KCND3: variants seen among roughly 807,000 people sequenced by gnomAD.
KCND3 encodes the protein A-type voltage-gated potassium channel KCND3.
A neutral mutation model predicts 51.1 loss-of-function variants in KCND3; 9 were observed. The ratio of observed to expected loss-of-function variants is 0.18; its 90% CI spans 0.11 to 0.31. KCND3 has a LOEUF of 0.31. KCND3 is among the 10% of genes least tolerant of loss of function. The pLI, the probability that KCND3 is intolerant of heterozygous loss-of-function variation, is 1.00. For synonymous variants in KCND3, 349 were observed against 368.0 expected (o/e 0.95, Z 0.59); for missense variants, 526 against 903.8 (o/e 0.58, Z 5.36).
chr1:111,826,593 A>G (rs574297338), intron 2 of KCND3, among the ~76,000 whole-genome samples: 13 of 152,096 alleles, frequency 8.5e-5, no homozygotes, highest in Non-Finnish European at 1.3e-4. Flanking sequence ...TCTACGTTTA[A>G]TGCTTATTTG....
chr1:111,981,513 TA>T lies in KCND3; in HGVS notation c.1106+107del. On this transcript the variant is annotated intron_variant, in intron 2 of 7. Transcript: ENST00000302127. The surrounding 1 kb of genome is among the most constrained non-coding windows in gnomAD (Gnocchi z 6.2). ...ACTTCCCCTGCCCCCAACACTTGGG[TA>T]AGGGACTCCCTCCTCCTCTACCCAT... 6.6e-7 allele frequency: 1 copy of T among 1,519,466 alleles called. No homozygotes were observed. The highest frequency in any genetic ancestry group is 9.1e-7 in the Non-Finnish European group (1 of 1,097,700). The allele number at this position is 1,519,466 out of a possible 1,614,324, so 94.1% of individuals were successfully genotyped here. A position where few individuals can be genotyped will look rare whatever the true frequency, so the allele number is the denominator to read the frequency against.
chr1:111,784,103 T>TCACACACACACACACACACA (rs369429634), intron 3 of KCND3, among the ~76,000 whole-genome samples: 106 of 117,552 alleles, frequency 9.0e-4, no homozygotes, highest in South Asian at 2.8e-3. Context: ...CATTAACTTA[T>TCACACACACACACACACACA]CACACACACA....
intron 2 of KCND3, among the ~76,000 whole-genome samples, chr1:111,950,576 A>G (rs1356968115): frequency 6.6e-6 from 1 of 152,216 alleles, no homozygotes; most frequent in Non-Finnish European, 1.5e-5. Context: ...GAGCACAGGA[A>G]TGCAAAATAA....
chr1:111,847,106 C>G (rs1187988744), intron 2 of KCND3, among the ~76,000 whole-genome samples: 1 of 152,172 alleles, frequency 6.6e-6, no homozygotes, highest in Non-Finnish European at 1.5e-5. Context: ...AAAATAAAAC[C>G]CCATGACGAG....
chr1:111,922,193 G>C (rs1165098695), intron 2 of KCND3, among the ~76,000 whole-genome samples: 3 of 152,212 alleles, frequency 2.0e-5, no homozygotes, highest in Non-Finnish European at 4.4e-5. Context: ...TTCATGAGCA[G>C]GGCGGCATTG....
At chr1:111,842,535 G>A (rs542923841) in intron 2 of KCND3, among the ~76,000 whole-genome samples, 1 of 152,338 alleles carries the variant, frequency 6.6e-6, no homozygotes, top group South Asian at 2.1e-4. Flanking sequence ...AACCATCTCA[G>A]CTGAGGCTGG....
At chr1:111,781,068 C>A (rs907997341) in intron 3 of KCND3, among the ~76,000 whole-genome samples, 1 of 152,174 alleles carries the variant, frequency 6.6e-6, no homozygotes, top group Non-Finnish European at 1.5e-5. Flanking sequence ...GGTTTCATGA[C>A]CTTTATCTAC....
intron 2 of KCND3, among the ~76,000 whole-genome samples, chr1:111,962,141 G>A (rs753505267): frequency 2.6e-5 from 4 of 152,306 alleles, no homozygotes; most frequent in East Asian, 1.9e-4. Context: ...CATTATAAAC[G>A]TCATTATTTT....
intron 3 of KCND3, among the ~76,000 whole-genome samples, chr1:111,786,575 CTTTTATAGGATATTAAAAAGAGATTATGT>C (rs1190895923): frequency 6.6e-6 from 1 of 152,078 alleles, no homozygotes; most frequent in Non-Finnish European, 1.5e-5. Flanking sequence ...TTTGTATAGG[CTTTTATAGGATATTAAAAAGAGATTATGT>C]TTCCTAGTAA....
At chr1:111,808,175 T>G (rs1665665885) in intron 2 of KCND3, among the ~76,000 whole-genome samples, 1 of 152,252 alleles carries the variant, frequency 6.6e-6, no homozygotes. Flanking sequence ...ACGCCTGGGA[T>G]AGAGAAGTAG....
intron 2 of KCND3, among the ~76,000 whole-genome samples, chr1:111,980,602 A>C (rs1012838167): frequency 3.3e-5 from 5 of 152,194 alleles, no homozygotes; most frequent in Non-Finnish European, 4.4e-5. Flanking sequence ...GCCTAAGCAA[A>C]TATAGACCCA....
At chr1:111,954,325 C>T (rs111946128) in intron 2 of KCND3, among the ~76,000 whole-genome samples, 136 of 152,322 alleles carry the variant, frequency 8.9e-4, no homozygotes, top group African/African-American at 3.2e-3. Context: ...GTGCCCGCTA[C>T]CCCACCCCAT....
intron 2 of KCND3, among the ~76,000 whole-genome samples, chr1:111,842,904 A>T (rs1667389879): frequency 6.6e-6 from 1 of 152,218 alleles, no homozygotes; most frequent in South Asian, 2.1e-4. Flanking sequence ...CAGTTATGAG[A>T]CAGAGAACAA....
chr1:111,824,831 A>G (rs1204234691), intron 2 of KCND3, among the ~76,000 whole-genome samples: 1 of 151,942 alleles, frequency 6.6e-6, no homozygotes, highest in African/African-American at 2.4e-5. Context: ...ACATAGTTAC[A>G]TTTCTTTCCT....
At chr1:111,838,021 C>T (rs1302148089) in intron 2 of KCND3, among the ~76,000 whole-genome samples, 2 of 152,096 alleles carry the variant, frequency 1.3e-5, no homozygotes, top group Admixed American at 6.6e-5. Flanking sequence ...GCGTCACTGT[C>T]GAGGTCAACC....
intron 2 of KCND3, among the ~76,000 whole-genome samples, chr1:111,846,815 A>G (rs1667571783): frequency 6.6e-6 from 1 of 152,184 alleles, no homozygotes; most frequent in South Asian, 2.1e-4. Flanking sequence ...TCATTTGACA[A>G]TGGGGGGAAA....
At chr1:111,915,814 C>A (rs1388061781) in intron 2 of KCND3, among the ~76,000 whole-genome samples, 10 of 119,044 alleles carry the variant, frequency 8.4e-5, no homozygotes, top group African/African-American at 1.6e-4. Context: ...GCCTTTAGAA[C>A]AAGGAATATT....
chr1:111,874,574 T>C (rs1288830285), intron 2 of KCND3, among the ~76,000 whole-genome samples: 1 of 152,214 alleles, frequency 6.6e-6, no homozygotes, highest in East Asian at 1.9e-4. Context: ...AGTGCAATCT[T>C]ATACTTCTTA....
intron 1 of KCND3, among the ~76,000 whole-genome samples, chr1:111,984,625 T>A (rs1675165674): frequency 6.6e-6 from 1 of 152,120 alleles, no homozygotes; most frequent in Non-Finnish European, 1.5e-5. Context: ...CCCCACGACC[T>A]ACAAAATAAA....
Sources: gnomAD v4.1 joint callset for allele counts (sites outside exome capture counted in the v4.1 genomes callset) on GRCh38, gnomAD v4.1.1 for gene constraint, Gnocchi (gnomAD v3.1) non-coding constraint, MANE v1.5 for transcripts, NCBI Gene and HGNC (gene_info 2026-07-23, HGNC 2026-07-21) for gene names.